Variants in KCNIP1 observed in about 807,000 individuals in gnomAD.
KCNIP1 encodes potassium voltage-gated channel interacting protein 1, also known as A-type potassium channel modulatory protein KCNIP1.
In KCNIP1, 18 loss-of-function variants were observed where a neutral mutation model predicts 33.0. The ratio of observed to expected loss-of-function variants is 0.55; its 90% CI spans 0.38 to 0.81. The LOEUF (loss-of-function observed/expected upper bound fraction) is 0.81. KCNIP1 is among the 30% of genes least tolerant of loss of function. The pLI is 0.00. For synonymous variants in KCNIP1, 93 were observed against 98.3 expected, an observed-to-expected ratio of 0.95 and a Z score of 0.32; for missense variants, 238 against 271.6, an observed-to-expected ratio of 0.88 and a Z score of 0.87.
chr5:170,637,245 C>T (rs1228995591), intron 1 of KCNIP1, among the ~76,000 whole-genome samples: 1 of 152,088 alleles, frequency 6.6e-6, no homozygotes, highest in East Asian at 1.9e-4. Context: ...ACCCTCTACC[C>T]ACCCCTGCTC....
chr5:170,436,502 G>A (rs766593414), intron 1 of KCNIP1, among the ~76,000 whole-genome samples: 5 of 152,210 alleles, frequency 3.3e-5, no homozygotes, highest in Non-Finnish European at 5.9e-5. Flanking sequence ...GTCAGCACTG[G>A]AATCCCCAGG....
intron 1 of KCNIP1, among the ~76,000 whole-genome samples, chr5:170,670,919 A>T (rs1166086773): frequency 1.3e-5 from 2 of 151,810 alleles, no homozygotes; most frequent in African/African-American, 2.4e-5. Context: ...AAAAATAAAA[A>T]AAAAAGAAGA....
chr5:170,529,618 C>T (rs957473327), intron 1 of KCNIP1, among the ~76,000 whole-genome samples: 3 of 152,224 alleles, frequency 2.0e-5, no homozygotes, highest in East Asian at 1.9e-4. Context: ...ATGAGGAGTT[C>T]GAGCTTGCCT....
At chr5:170,716,325 T>C (rs1763643428) in intron 1 of KCNIP1, among the ~76,000 whole-genome samples, 1 of 152,352 alleles carries the variant, frequency 6.6e-6, no homozygotes, top group African/African-American at 2.4e-5. Context: ...TTCATTAACA[T>C]TTCACTTATA....
chr5:170,527,367 C>T (rs1755619126), intron 1 of KCNIP1, among the ~76,000 whole-genome samples: 1 of 151,858 alleles, frequency 6.6e-6, no homozygotes, highest in Non-Finnish European at 1.5e-5. Context: ...GGGTACTGGC[C>T]CAGTAGAAAA....
At chr5:170,542,662 C>T (rs534193892) in intron 1 of KCNIP1, among the ~76,000 whole-genome samples, 15 of 152,232 alleles carry the variant, frequency 9.9e-5, no homozygotes, top group South Asian at 2.1e-4. Context: ...CTATGTTTTT[C>T]CTATACTTAT....
intron 1 of KCNIP1, among the ~76,000 whole-genome samples, chr5:170,488,703 T>C (rs1046642047): frequency 2.0e-5 from 3 of 152,028 alleles, no homozygotes; most frequent in Non-Finnish European, 4.4e-5. Context: ...GAAGGCTCCC[T>C]GGGGGAGAGG....
At chr5:170,689,861 G>C (rs1420414954) in intron 1 of KCNIP1, among the ~76,000 whole-genome samples, 1 of 152,290 alleles carries the variant, frequency 6.6e-6, no homozygotes, top group South Asian at 2.1e-4. Context: ...TGGATTCGCT[G>C]CTTCCACTCT....
At chr5:170,363,156 G>T (rs182893632) in intron 1 of KCNIP1, among the ~76,000 whole-genome samples, 4 of 152,248 alleles carry the variant, frequency 2.6e-5, no homozygotes, top group Non-Finnish European at 4.4e-5. Context: ...CCAAACCAGG[G>T]GCTTTGAGAG....
At chr5:170,533,235 TCAGA>T (rs1277701737) in intron 1 of KCNIP1, among the ~76,000 whole-genome samples, 1 of 152,132 alleles carries the variant, frequency 6.6e-6, no homozygotes, top group Non-Finnish European at 1.5e-5. Context: ...AGGAGAACAC[TCAGA>T]CAGAGAGCTC....
At chr5:170,358,609 C>T (rs1441563556) in intron 1 of KCNIP1, among the ~76,000 whole-genome samples, 4 of 152,210 alleles carry the variant, frequency 2.6e-5, no homozygotes, top group African/African-American at 9.6e-5. Context: ...ATCAATGGCA[C>T]AAGGCTGTTT....
intron 1 of KCNIP1, among the ~76,000 whole-genome samples, chr5:170,652,482 TAAA>T (rs140299038): frequency 1.9e-4 from 21 of 109,774 alleles, no homozygotes; most frequent in East Asian, 8.2e-4. Flanking sequence ...GAGACCCTAT[TAAA>T]AAAAAAAAAA....
At chr5:170,447,513 C>T (rs1389562045) in intron 1 of KCNIP1, among the ~76,000 whole-genome samples, 2 of 152,114 alleles carry the variant, frequency 1.3e-5, no homozygotes, top group African/African-American at 2.4e-5. Context: ...AGGAACCACA[C>T]AGGACCCCGT....
chr5:170,652,798 T>G (rs181993647), intron 1 of KCNIP1, among the ~76,000 whole-genome samples: 1 of 152,248 alleles, frequency 6.6e-6, no homozygotes, highest in Non-Finnish European at 1.5e-5. Flanking sequence ...ATATCAGCTC[T>G]GTTTTTGTCA....
At chr5:170,599,213 G>A (rs1758593484) in intron 1 of KCNIP1, among the ~76,000 whole-genome samples, 1 of 152,060 alleles carries the variant, frequency 6.6e-6, no homozygotes, top group Admixed American at 6.6e-5. Flanking sequence ...CAATTAACAT[G>A]AGCTAAAACA....
chr5:170,432,018 C>CTG (rs979029443), intron 1 of KCNIP1, among the ~76,000 whole-genome samples: 24 of 151,522 alleles, frequency 1.6e-4, no homozygotes, highest in Admixed American at 1.6e-3. Flanking sequence ...CTCTCTCTCT[C>CTG]TGTGTCTCTC....
At chr5:170,406,677 T>A (rs1755046681) in intron 1 of KCNIP1, among the ~76,000 whole-genome samples, 1 of 152,130 alleles carries the variant, frequency 6.6e-6, no homozygotes, top group Non-Finnish European at 1.5e-5. Context: ...AGCATCCCTC[T>A]CTTCTTCCTA....
upstream of KCNIP1, among the ~76,000 whole-genome samples, chr5:170,500,207 AG>A (rs1757383880): frequency 6.6e-6 from 1 of 152,144 alleles, no homozygotes; most frequent in Admixed American, 6.5e-5. Context: ...CTATCAGATC[AG>A]GGCCCCACCC....
At chr5:170,357,163 C>A (rs1023967001) in intron 1 of KCNIP1, among the ~76,000 whole-genome samples, 1 of 152,092 alleles carries the variant, frequency 6.6e-6, no homozygotes, top group Non-Finnish European at 1.5e-5. Flanking sequence ...ACCACGAATG[C>A]AGTGAGGAGC....
Sources: allele counts gnomAD v4.1 joint callset (sites outside exome capture counted in the v4.1 genomes callset), GRCh38; gene constraint gnomAD v4.1.1; transcripts MANE v1.5; gene names NCBI Gene and HGNC (gene_info 2026-07-23, HGNC 2026-07-21).